The following EXOC4 variants were observed in gnomAD, a reference collection of about 807,000 sequenced individuals.
The protein encoded by EXOC4 is SEC8-like 1.
In EXOC4, 71 loss-of-function variants were observed where a neutral mutation model predicts 107.2. That is an observed-to-expected ratio of 0.66 (90% CI 0.55 to 0.81). EXOC4 has a LOEUF of 0.81. Ranked by LOEUF, EXOC4 falls within the 30% of genes least tolerant of loss-of-function variation. The probability of loss-of-function intolerance (pLI) is 0.00; values close to 1 mark genes in which losing one functional copy is unlikely to be tolerated. For synonymous variants in EXOC4, 456 were observed against 441.2 expected (o/e 1.03, Z -0.42); for missense variants, 1,108 against 1,189.6 (o/e 0.93, Z 1.01).
At chr7:133,971,390 AG>A (rs1563076041) in intron 14 of EXOC4, among the ~76,000 whole-genome samples, 37 of 143,284 alleles carry the variant, frequency 2.6e-4, no homozygotes, top group South Asian at 6.9e-4. Context: ...AGAGAGAGAG[AG>A]AGAGAGAGAG....
chr7:134,099,467 G>C, the EXOC4 span, among the ~76,000 whole-genome samples: 1 of 147,514 alleles, frequency 6.8e-6, no homozygotes, highest in Non-Finnish European at 1.5e-5. Flanking sequence ...AGGCCTTCTA[G>C]TTCCCCCCAG....
rs1794429830 is a variant in EXOC4, at chr7:133,997,692, CT to C, written c.2348+61del. On this transcript the variant is annotated intron_variant, in intron 15 of 17. Transcript: ENST00000253861. ...TGAATGCACTGCGGTTCATAAATCA[CT>C]TGCTTATTTCCAGGCAGTATCACCA... 42 of 1,559,470 alleles carry C rather than the reference CT, an allele frequency of 2.7e-5. No individual in the cohort carries two copies. In the South Asian group the frequency reaches 4.7e-4, roughly 17 times the overall value.
chr7:133,680,082 A>G (rs1794154683), intron 10 of EXOC4, among the ~76,000 whole-genome samples: 1 of 152,212 alleles, frequency 6.6e-6, no homozygotes, highest in Non-Finnish European at 1.5e-5. Context: ...GAGGCTAAAA[A>G]TCTTTGTTTT....
At chr7:133,335,197 A>G (rs11767986) in intron 5 of EXOC4, among the ~76,000 whole-genome samples, 4,262 of 152,126 alleles carry the variant, frequency 0.028, 81 homozygotes, top group Non-Finnish European at 0.043. Flanking sequence ...TAGCTTAAAA[A>G]TTTTTTTTAA....
intron 14 of EXOC4, among the ~76,000 whole-genome samples, chr7:133,974,661 A>G (rs998916768): frequency 3.3e-5 from 5 of 152,328 alleles, no homozygotes; most frequent in South Asian, 2.1e-4. Flanking sequence ...GTGAAACAAG[A>G]GTTCTGTTTT....
At chr7:134,075,110 G>T in the EXOC4 span, among the ~76,000 whole-genome samples, 3 of 152,194 alleles carry the variant, frequency 2.0e-5, no homozygotes, top group Non-Finnish European at 4.4e-5. Flanking sequence ...TGCCTAGCAG[G>T]AGGCCTGGCA....
intron 10 of EXOC4, among the ~76,000 whole-genome samples, chr7:133,648,903 C>G (rs896994556): frequency 6.6e-6 from 1 of 152,198 alleles, no homozygotes; most frequent in Non-Finnish European, 1.5e-5. Flanking sequence ...TTTTTCTTAC[C>G]CATTTCTCTT....
chr7:133,675,596 G>A (rs186192235), intron 10 of EXOC4, among the ~76,000 whole-genome samples: 1 of 152,134 alleles, frequency 6.6e-6, no homozygotes, highest in Non-Finnish European at 1.5e-5. Context: ...TTTTAGGTCT[G>A]ATTTACTAGT....
intron 6 of EXOC4, among the ~76,000 whole-genome samples, chr7:133,361,559 A>G (rs1027960082): frequency 6.6e-6 from 1 of 152,128 alleles, no homozygotes; most frequent in African/African-American, 2.4e-5. Context: ...TTAAATTTTA[A>G]CTGTTGCCAA....
At chr7:134,056,898 T>C (rs1354048662) in intron 17 of EXOC4, among the ~76,000 whole-genome samples, 3 of 151,788 alleles carry the variant, frequency 2.0e-5, no homozygotes, top group Non-Finnish European at 2.9e-5. Flanking sequence ...CCTGGAGGAG[T>C]TTCTTTGTTT....
chr7:133,398,090 A>G (rs1563050698), intron 7 of EXOC4, among the ~76,000 whole-genome samples: 1 of 152,224 alleles, frequency 6.6e-6, no homozygotes, highest in East Asian at 1.9e-4. Flanking sequence ...ATGACGTCTT[A>G]TTCATGTATT....
chr7:133,433,672 T>A (rs2150779293), intron 7 of EXOC4, among the ~76,000 whole-genome samples: 1 of 152,346 alleles, frequency 6.6e-6, no homozygotes, highest in East Asian at 1.9e-4. Flanking sequence ...TTAAAGACCT[T>A]CTTTAGGCAC....
At chr7:134,055,992 T>A (rs1795912221) in intron 17 of EXOC4, among the ~76,000 whole-genome samples, 1 of 152,202 alleles carries the variant, frequency 6.6e-6, no homozygotes. Flanking sequence ...ATTAATAATG[T>A]GATTTTATTA....
chr7:133,412,107 T>G (rs1231844865), intron 7 of EXOC4, among the ~76,000 whole-genome samples: 1 of 152,030 alleles, frequency 6.6e-6, no homozygotes, highest in African/African-American at 2.4e-5. Context: ...TAATAATCAC[T>G]TGTCTATCAG....
At chr7:133,265,815 C>T (rs1397982488) in intron 1 of EXOC4, among the ~76,000 whole-genome samples, 1 of 152,070 alleles carries the variant, frequency 6.6e-6, no homozygotes, top group South Asian at 2.1e-4. Context: ...CTGCAGGTGT[C>T]GCCAAAATTC....
At chr7:133,412,180 G>C (rs1797371772) in intron 7 of EXOC4, among the ~76,000 whole-genome samples, 1 of 150,066 alleles carries the variant, frequency 6.7e-6, no homozygotes, top group Admixed American at 6.7e-5. Flanking sequence ...GTCAAAGTTA[G>C]TCTTGCTCTG....
intron 9 of EXOC4, among the ~76,000 whole-genome samples, chr7:133,619,912 G>C (rs1802284067): frequency 1.3e-5 from 2 of 152,102 alleles, no homozygotes; most frequent in Non-Finnish European, 1.5e-5. Context: ...AGCCAGGTGA[G>C]AGAGCCTAGA....
intron 10 of EXOC4, among the ~76,000 whole-genome samples, chr7:133,728,244 G>C (rs774951274): frequency 6.6e-6 from 1 of 152,172 alleles, no homozygotes; most frequent in Non-Finnish European, 1.5e-5. Flanking sequence ...CTGCTTAAAG[G>C]CTTTGTGAAA....
chr7:133,963,228 G>C (rs1233993257), intron 14 of EXOC4, among the ~76,000 whole-genome samples: 1 of 152,190 alleles, frequency 6.6e-6, no homozygotes, highest in Non-Finnish European at 1.5e-5. Context: ...TCCCATTTTT[G>C]TTTTGGTGGG....
Sources: gnomAD v4.1 joint callset for allele counts (sites outside exome capture counted in the v4.1 genomes callset) on GRCh38, gnomAD v4.1.1 for gene constraint, MANE v1.5 for transcripts, NCBI Gene and HGNC (gene_info 2026-07-23, HGNC 2026-07-21) for gene names.